Variants in OPCML observed in about 807,000 individuals in gnomAD.
The protein encoded by OPCML is opioid binding protein/cell adhesion molecule like.
A neutral mutation model predicts 37.8 loss-of-function variants in OPCML; 13 were observed. The ratio of observed to expected loss-of-function variants is 0.34; its 90% confidence interval spans 0.22 to 0.55. OPCML has a LOEUF of 0.55. OPCML is among the 20% of genes least tolerant of loss of function. OPCML has a pLI of 0.91. For synonymous variants in OPCML, 176 were observed against 168.8 expected, an observed-to-expected ratio of 1.04 and a Z score of -0.33; for missense variants, 341 against 435.6, an observed-to-expected ratio of 0.78 and a Z score of 1.93.
chr11:133,109,689 T>C (rs553769621), intron 1 of OPCML, among the ~76,000 whole-genome samples: 2 of 152,286 alleles, frequency 1.3e-5, no homozygotes, highest in South Asian at 4.1e-4. Context: ...AGAGTGCTTT[T>C]TGGGTAGTCT....
chr11:132,478,554 G>C (rs2096165685), intron 4 of OPCML, among the ~76,000 whole-genome samples: 1 of 152,138 alleles, frequency 6.6e-6, no homozygotes, highest in Non-Finnish European at 1.5e-5. Context: ...AGCAACATTG[G>C]GGGAATAAAG....
intron 1 of OPCML, among the ~76,000 whole-genome samples, chr11:133,034,603 C>T (rs777001217): frequency 7.9e-5 from 12 of 152,154 alleles, no homozygotes; most frequent in Non-Finnish European, 1.8e-4. Context: ...TGTGCCTCAA[C>T]GTTCTTCAAT....
chr11:132,525,883 T>A (rs1030021063), intron 4 of OPCML: 4 of 152,086 alleles, frequency 2.6e-5, no homozygotes, highest in African/African-American at 9.7e-5. Context: ...AGGAAACAAT[T>A]TTTTGGAGTT....
At chr11:132,536,532 GTTA>G (rs1322383793) in intron 3 of OPCML, among the ~76,000 whole-genome samples, 2 of 152,016 alleles carry the variant, frequency 1.3e-5, no homozygotes, top group Admixed American at 6.6e-5. Context: ...CTTTATTGTT[GTTA>G]TTATTATCAG....
At chr11:133,332,962 C>T (rs1269196282) in intron 1 of OPCML, among the ~76,000 whole-genome samples, 1 of 152,160 alleles carries the variant, frequency 6.6e-6, no homozygotes, top group African/African-American at 2.4e-5. Flanking sequence ...AAAACAGGCA[C>T]ACAGACCAAT....
At chr11:132,942,547 C>T (rs1257595566) in intron 2 of OPCML, among the ~76,000 whole-genome samples, 1 of 152,070 alleles carries the variant, frequency 6.6e-6, no homozygotes, top group Non-Finnish European at 1.5e-5. Flanking sequence ...CCTGCCTCAT[C>T]ATGTACCTTC....
At chr11:132,495,811 T>C (rs1227134335) in intron 4 of OPCML, among the ~76,000 whole-genome samples, 2 of 150,154 alleles carry the variant, frequency 1.3e-5, no homozygotes, top group African/African-American at 4.9e-5. Context: ...GGGAGAATGG[T>C]GTGAACCCAG....
intron 2 of OPCML, among the ~76,000 whole-genome samples, chr11:132,785,247 G>A (rs752960039): frequency 1.2e-4 from 19 of 152,118 alleles, no homozygotes; most frequent in East Asian, 5.8e-4. Context: ...AATAACTTAC[G>A]TACTTCTCAG....
chr11:133,121,851 A>T (rs1197677096), intron 1 of OPCML, among the ~76,000 whole-genome samples: 1 of 152,196 alleles, frequency 6.6e-6, no homozygotes, highest in African/African-American at 2.4e-5. Flanking sequence ...CTTCTATTTG[A>T]CAAGTGGTTT....
intron 1 of OPCML, among the ~76,000 whole-genome samples, chr11:133,042,092 A>G (rs767550295): frequency 2.0e-5 from 3 of 151,764 alleles, no homozygotes; most frequent in Non-Finnish European, 4.4e-5. Flanking sequence ...ACTAATCACC[A>G]CCATTAGGCC....
chr11:133,132,213 G>A (rs1361575065), intron 1 of OPCML, among the ~76,000 whole-genome samples: 2 of 152,116 alleles, frequency 1.3e-5, no homozygotes, highest in Admixed American at 1.3e-4. Context: ...TTAAAACATT[G>A]GCAGATGATT....
intron 3 of OPCML, among the ~76,000 whole-genome samples, chr11:132,653,949 C>A (rs972318967): frequency 7.9e-5 from 12 of 152,190 alleles, no homozygotes; most frequent in African/African-American, 2.9e-4. Flanking sequence ...AAATTAAAGG[C>A]AAGATTAGGC....
chr11:132,838,843 A>G (rs1455971785), intron 2 of OPCML, among the ~76,000 whole-genome samples: 1 of 152,178 alleles, frequency 6.6e-6, no homozygotes, highest in Admixed American at 6.5e-5. Flanking sequence ...AGCCTGTCTC[A>G]GGAGATGACT....
chr11:132,827,366 A>G (rs1199554909), intron 2 of OPCML, among the ~76,000 whole-genome samples: 2 of 152,188 alleles, frequency 1.3e-5, no homozygotes, highest in African/African-American at 2.4e-5. Flanking sequence ...AAATATCACT[A>G]CACACCTACT....
intron 1 of OPCML, among the ~76,000 whole-genome samples, chr11:133,055,592 C>T (rs542048388): frequency 1.0e-4 from 15 of 150,276 alleles, no homozygotes; most frequent in East Asian, 2.0e-4. Flanking sequence ...ATGAGGGAGC[C>T]GCCTCTACCG....
At chr11:133,259,843 A>G (rs1272599659) in intron 1 of OPCML, among the ~76,000 whole-genome samples, 7 of 152,158 alleles carry the variant, frequency 4.6e-5, no homozygotes, top group Non-Finnish European at 2.9e-5. Flanking sequence ...TTCAATAGAT[A>G]TTTACTAAGC....
chr11:132,897,826 G>T (rs528171343), intron 2 of OPCML, among the ~76,000 whole-genome samples: 2 of 152,298 alleles, frequency 1.3e-5, no homozygotes, highest in African/African-American at 4.8e-5. Flanking sequence ...AACATGATTA[G>T]AAAATTGGTG....
At chr11:133,149,167 T>C (rs920953031) in intron 1 of OPCML, among the ~76,000 whole-genome samples, 1 of 152,136 alleles carries the variant, frequency 6.6e-6, no homozygotes, top group Admixed American at 6.5e-5. Context: ...TCTCTGAAGG[T>C]CTGTTATTTA....
At chr11:132,740,354 C>T (rs1238450140) in intron 2 of OPCML, among the ~76,000 whole-genome samples, 1 of 152,128 alleles carries the variant, frequency 6.6e-6, no homozygotes, top group East Asian at 1.9e-4. Context: ...ACATCTTCCG[C>T]CTGGCATATC....
Sources: gnomAD v4.1 joint callset for allele counts (sites outside exome capture counted in the v4.1 genomes callset) on GRCh38, gnomAD v4.1.1 for gene constraint, MANE v1.5 for transcripts, NCBI Gene and HGNC (gene_info 2026-07-23, HGNC 2026-07-21) for gene names.